The following RBM27 variants were observed in gnomAD, a reference collection of about 807,000 sequenced individuals.
RBM27 encodes RNA binding motif protein 27.
In RBM27, 22 loss-of-function variants were observed where a neutral mutation model predicts 135.3. The observed-to-expected ratio is 0.16, with a 90% confidence interval of 0.12 to 0.23. The LOEUF is 0.23. RBM27 is among the 10% of genes least tolerant of loss of function. The pLI is 1.00. For missense variants in RBM27, 1,009 were observed against 1,281.0 expected, an observed-to-expected ratio of 0.79 and a Z score of 3.24; for synonymous variants, 481 against 442.4, an observed-to-expected ratio of 1.09 and a Z score of -1.10.
intron 7 of RBM27, among the ~76,000 whole-genome samples, chr5:146,236,272 A>G (rs565324241): frequency 6.6e-6 from 1 of 152,360 alleles, no homozygotes; most frequent in South Asian, 2.1e-4. Flanking sequence ...TATTTATGTT[A>G]GCACATATCT....
chr5:146,259,100 G>A (rs909481771), intron 11 of RBM27, among the ~76,000 whole-genome samples: 40 of 151,388 alleles, frequency 2.6e-4, no homozygotes, highest in African/African-American at 9.5e-4. Context: ...CTATTTCTAC[G>A]CCTAACCCAA....
chr5:146,239,810 C>G (rs1204895889), intron 8 of RBM27, among the ~76,000 whole-genome samples: 3 of 141,058 alleles, frequency 2.1e-5, no homozygotes, highest in African/African-American at 7.9e-5. Context: ...AGAGTCTCAA[C>G]TCTGTTCCCC....
At chr5:146,204,077 A>G (rs1287316878) in intron 1 of RBM27, among the ~76,000 whole-genome samples, 3 of 152,122 alleles carry the variant, frequency 2.0e-5, no homozygotes, top group Admixed American at 6.5e-5. Context: ...TCAAACGCAA[A>G]TATCGGGGTG....
intron 7 of RBM27, among the ~76,000 whole-genome samples, chr5:146,234,330 G>T (rs988874885): frequency 6.6e-6 from 1 of 152,004 alleles, no homozygotes; most frequent in African/African-American, 2.4e-5. Context: ...TGTGTTGCAG[G>T]TACCATCATC....
Position 146,246,239 on chromosome 5 carries a change from T to C in RBM27, c.1280-5472T>C, listed in dbSNP as rs150110531. 3.7e-3 allele frequency among the ~76,000 whole-genome samples: 571 copies of C among 152,278 alleles called. 2 individuals carry two copies. Among genetic ancestry groups the C allele is most frequent in the African/African-American group, 0.013 (555 of 41,556 alleles). On this transcript the variant is annotated intron_variant, in intron 8 of 20. Coordinates refer to ENST00000265271, the MANE Select transcript of RBM27 (RefSeq NM_018989.2). The stretch of plus-strand genomic sequence containing the variant: ...GAGTTTTTAGCTTAAAACTTAAAAT[T>C]TTTTTCCTGTGAATACTCTTAAAGA...
intron 1 of RBM27, among the ~76,000 whole-genome samples, chr5:146,213,722 T>C (rs576346562): frequency 6.6e-6 from 1 of 152,352 alleles, no homozygotes; most frequent in Non-Finnish European, 1.5e-5. Context: ...ATGAAGCTTA[T>C]GTACTGGCTC....
In RBM27 at chr5:146,255,076, G is replaced by T. The variant is rs759554876; in HGVS notation, c.1578G>T (p.Met526Ile). The change falls in exon 10 of 21, where the codon ATG becomes ATT. Residue 526 changes from methionine to isoleucine, a missense_variant. Met to Ile is a conservative substitution (Grantham distance 10, BLOSUM62 1). Transcript: ENST00000265271. The stretch of plus-strand genomic sequence containing the variant: ...TGATTGGCCTAACATCTGGAGATAT[G>T]GATGTAAATCCAAGAGGTGAGAATA... ...PNLIGLTSGD[M>I]DVNPRAANIV... 2.5e-6 allele frequency: 4 copies of T among 1,611,762 alleles called. No homozygotes were observed. In the African/African-American group the frequency reaches 5.3e-5, roughly 22 times the overall value.
At chr5:146,269,620 T>C (rs1221310330) in intron 17 of RBM27, 36 bp downstream of exon 17, 1 of 1,415,066 alleles carries the variant, frequency 7.1e-7, no homozygotes, top group Non-Finnish European at 9.4e-7. Flanking sequence ...CATAGGGTTA[T>C]TGAACATCTG....
At chr5:146,242,602 T>C (rs1757451022) in intron 8 of RBM27, among the ~76,000 whole-genome samples, 1 of 152,120 alleles carries the variant, frequency 6.6e-6, no homozygotes, top group Admixed American at 6.6e-5. Flanking sequence ...AGTTTATTTA[T>C]TTATTTTTTT....
At chr5:146,259,646 T>C (rs539930463) in intron 11 of RBM27, among the ~76,000 whole-genome samples, 1 of 151,966 alleles carries the variant, frequency 6.6e-6, no homozygotes, top group African/African-American at 2.4e-5. Context: ...CTTTTTGTAA[T>C]CTATTGCTGT....
At chr5:146,203,872 GCTCGC>G in intron 1 of RBM27, 48 bp downstream of exon 1, 1 of 1,448,054 alleles carries the variant, frequency 6.9e-7, no homozygotes, top group Non-Finnish European at 9.4e-7. Context: ...GGCGTTGGGG[GCTCGC>G]GGGGGCGTGG....
At chr5:146,232,859 G>T (rs531101063) in intron 6 of RBM27, among the ~76,000 whole-genome samples, 1 of 152,134 alleles carries the variant, frequency 6.6e-6, no homozygotes, top group Non-Finnish European at 1.5e-5. Flanking sequence ...GAGCGACTGC[G>T]CCCAGCCCTG....
At chr5:146,269,834 G>T (rs569687289) in intron 17 of RBM27, among the ~76,000 whole-genome samples, 1 of 144,376 alleles carries the variant, frequency 6.9e-6, no homozygotes, top group South Asian at 2.2e-4. Context: ...TGGCCTCCCA[G>T]AGTGCTGGGA....
At chr5:146,220,635 GCTTCTCA>G (rs1475032967) in intron 2 of RBM27, among the ~76,000 whole-genome samples, 1 of 151,880 alleles carries the variant, frequency 6.6e-6, no homozygotes, top group Non-Finnish European at 1.5e-5. Flanking sequence ...AGTAAGTATG[GCTTCTCA>G]ATCTAAAACA....
intron 8 of RBM27, among the ~76,000 whole-genome samples, chr5:146,240,201 C>T (rs936715012): frequency 4.6e-5 from 7 of 151,628 alleles, no homozygotes; most frequent in African/African-American, 1.7e-4. Context: ...TCAACTTTCC[C>T]CCCCAATCTT....
chr5:146,237,369 G>T lies in RBM27; in HGVS notation c.1216G>T (p.Ala406Ser), dbSNP rs1757210796. The part of the protein sequence containing the change: ...QPGTSAVPNL[A>S]SVGTRLPPPL... ...TGGGACAAGTGCAGTGCCCAATCTTGCATCAGTGGGAACAAGACTACCTCC... is the reference window on the plus strand; with the variant it reads ...TGGGACAAGTGCAGTGCCCAATCTTTCATCAGTGGGAACAAGACTACCTCC... The change falls in exon 8 of 21, where the codon GCA (alanine) becomes TCA (serine). Residue 406 changes from alanine to serine, a missense_variant. Ala to Ser is a moderately conservative substitution (Grantham distance 99). Coordinates refer to ENST00000265271, the MANE Select transcript of RBM27 (RefSeq NM_018989.2). 8 of 1,614,008 alleles carry T rather than the reference G, an allele frequency of 5.0e-6. No homozygotes were observed. The highest frequency in any genetic ancestry group is 5.1e-6 in the Non-Finnish European group (6 of 1,179,914).
chr5:146,208,577 T>G (rs930224409), intron 1 of RBM27, among the ~76,000 whole-genome samples: 3 of 152,222 alleles, frequency 2.0e-5, no homozygotes, highest in African/African-American at 7.2e-5. Context: ...GGACTTCATC[T>G]TTCCTCAGTT....
At chr5:146,271,126 C>T (rs878996871) in intron 18 of RBM27, 68 bp downstream of exon 18, 12 of 1,190,044 alleles carry the variant, frequency 1.0e-5, no homozygotes, top group African/African-American at 6.2e-5. Flanking sequence ...TTTGACCGGG[C>T]GCGGTGGCTC....
chr5:146,228,529 G>A (rs141819910), intron 3 of RBM27, among the ~76,000 whole-genome samples: 301 of 151,806 alleles, frequency 2.0e-3, no homozygotes, highest in African/African-American at 4.4e-3. Context: ...TGATCTGCCC[G>A]CCCCGGCCAC....
Sources: gnomAD v4.1 joint callset for allele counts (sites outside exome capture counted in the v4.1 genomes callset) on GRCh38, gnomAD v4.1.1 for gene constraint, MANE v1.5 for transcripts, NCBI Gene and HGNC (gene_info 2026-07-23, HGNC 2026-07-21) for gene names.